The following ANKS1A variants were observed in gnomAD, a reference collection of about 807,000 sequenced individuals.
ANKS1A encodes the protein ankyrin repeat and SAM domain-containing protein 1A.
Under a neutral mutation model 120.3 loss-of-function variants are expected in ANKS1A, and 55 were observed. That is an observed-to-expected ratio of 0.46 (90% CI 0.37 to 0.57). ANKS1A has a LOEUF of 0.57. Ranked by LOEUF, ANKS1A falls within the 20% of genes least tolerant of loss-of-function variation. ANKS1A has a pLI of 0.00. For synonymous variants in ANKS1A, 590 were observed against 604.7 expected (o/e 0.98, Z 0.36); for missense variants, 1,123 against 1,480.3 (o/e 0.76, Z 3.96).
Position 35,017,475 on chromosome 6 carries a change from C to A in ANKS1A, c.1426C>A (p.His476Asn). The A allele has an allele frequency of 6.2e-7, 1 of 1,600,116 alleles. No homozygotes were observed. Among genetic ancestry groups the A allele is most frequent in the Non-Finnish European group, 8.5e-7 (1 of 1,172,510 alleles). The change falls in exon 11 of 24, where the codon CAC (histidine) becomes AAC (asparagine). Residue 476 changes from histidine to asparagine, a missense_variant and splice_region_variant. Around this residue, in one of 3 missense-constraint regions of ANKS1A, gnomAD observed 904 missense variants for 1,130.4 expected, o/e 0.80. Transcript: ENST00000360359. ...VVLVDGKTKD[H>N]RRSSSSRSQD... The stretch of plus-strand genomic sequence containing the variant: ...TCTGTCTCTCCGTCCACTCCAAGAC[C>A]ACAGGCGGAGCAGCAGCAGCCGGAG...
chr6:34,894,974 T>G (rs1343054385), intron 1 of ANKS1A, among the ~76,000 whole-genome samples: 5 of 152,124 alleles, frequency 3.3e-5, no homozygotes, highest in Admixed American at 3.3e-4. Context: ...ATTTTTATGC[T>G]GCCATTTCAT....
intron 13 of ANKS1A, among the ~76,000 whole-genome samples, chr6:35,063,146 TC>T (rs1776603591): frequency 6.6e-6 from 1 of 152,110 alleles, no homozygotes; most frequent in Non-Finnish European, 1.5e-5. Context: ...TGCCAGGTGC[TC>T]CCTAGGATGG....
At chr6:34,912,651 A>G (rs1285039028) in intron 1 of ANKS1A, among the ~76,000 whole-genome samples, 3 of 152,228 alleles carry the variant, frequency 2.0e-5, no homozygotes, top group African/African-American at 4.8e-5. Context: ...TTCAATAGAC[A>G]TTTATTTGCA....
At chr6:34,992,851 G>A (rs1029281538) in intron 9 of ANKS1A, among the ~76,000 whole-genome samples, 1 of 152,172 alleles carries the variant, frequency 6.6e-6, no homozygotes. Flanking sequence ...GCAGTTTCTT[G>A]TTTAGTCTGA....
At chr6:34,923,348 G>T (rs1768536646) in intron 1 of ANKS1A, among the ~76,000 whole-genome samples, 1 of 152,184 alleles carries the variant, frequency 6.6e-6, no homozygotes, top group South Asian at 2.1e-4. Context: ...GGTAGGTTGA[G>T]GGACCTTGAG....
intron 1 of ANKS1A, among the ~76,000 whole-genome samples, chr6:34,923,391 G>A (rs1259700835): frequency 2.6e-5 from 4 of 152,182 alleles, no homozygotes; most frequent in South Asian, 2.1e-4. Context: ...TTGGGAACCC[G>A]GTTCTGACCA....
chr6:34,972,869 GT>G (rs1244562854), intron 3 of ANKS1A, among the ~76,000 whole-genome samples: 1 of 152,104 alleles, frequency 6.6e-6, no homozygotes, highest in East Asian at 1.9e-4. Context: ...ATGGTGGGTG[GT>G]TTTTTCTGGA....
At chr6:34,897,835 A>T (rs1022140006) in intron 1 of ANKS1A, among the ~76,000 whole-genome samples, 2 of 152,176 alleles carry the variant, frequency 1.3e-5, no homozygotes, top group Admixed American at 6.5e-5. Context: ...AGATAGTTGT[A>T]TCTGTTTGTG....
intron 1 of ANKS1A, among the ~76,000 whole-genome samples, chr6:34,900,468 A>AAAAAT (rs1468779515): frequency 1.3e-5 from 2 of 151,996 alleles, no homozygotes; most frequent in African/African-American, 4.8e-5. Context: ...TTTTAATAAC[A>AAAAAT]AAAATAGAGA....
intron 1 of ANKS1A, among the ~76,000 whole-genome samples, chr6:34,903,946 T>C (rs890844340): frequency 2.0e-5 from 3 of 152,212 alleles, no homozygotes; most frequent in Admixed American, 6.6e-5. Context: ...TGCCTTGGCC[T>C]CCCAAGGTGC....
intron 1 of ANKS1A, among the ~76,000 whole-genome samples, chr6:34,926,757 C>T (rs956587204): frequency 6.6e-6 from 1 of 152,100 alleles, no homozygotes; most frequent in Non-Finnish European, 1.5e-5. Flanking sequence ...TGCTGAGCAC[C>T]AGAGCCAGTC....
Position 35,025,140 on chromosome 6 carries a change from A to T in ANKS1A, c.2010+7081A>T, listed in dbSNP as rs144817274. Among the ~76,000 whole-genome samples, 138 of 152,108 alleles carry T rather than the reference A, an allele frequency of 9.1e-4. 1 individual carries two copies. The highest frequency in any genetic ancestry group is 3.3e-3 in the African/African-American group (138 of 41,486). On this transcript the variant is annotated intron_variant, in intron 11 of 23. Coordinates refer to ENST00000360359, the MANE Select transcript of ANKS1A (RefSeq NM_015245.3). ...TTAGGTGGTCTGGTAATATTGAGGT[A>T]ATTTGTTCATATTTTTAAAATAATC...
intron 13 of ANKS1A, among the ~76,000 whole-genome samples, chr6:35,073,459 CA>C (rs1581738151): frequency 6.6e-6 from 1 of 152,206 alleles, no homozygotes; most frequent in South Asian, 2.1e-4. Flanking sequence ...CGAGTCAGGA[CA>C]GGGGGAGGCC....
downstream of ANKS1A, among the ~76,000 whole-genome samples, chr6:35,091,844 A>AAAC: frequency 6.6e-6 from 1 of 152,318 alleles, no homozygotes; most frequent in South Asian, 2.1e-4. Context: ...TTTTAGACAT[A>AAAC]AACAACTAGC....
At chr6:34,903,361 T>TC (rs1195819087) in intron 1 of ANKS1A, among the ~76,000 whole-genome samples, 1 of 152,074 alleles carries the variant, frequency 6.6e-6, no homozygotes. Context: ...TTTTTTTTTT[T>TC]CCAAGAGAGG....
Position 34,937,332 on chromosome 6 carries a change from T to A in ANKS1A, c.198-29907T>A, listed in dbSNP as rs191412357. Reference sequence around the variant, plus strand: ...AAAAATATATATATATATATTTTTTTAAAAAGAATGGCTGGATTCAAATCC... The same window carrying A: ...AAAAATATATATATATATATTTTTTAAAAAAGAATGGCTGGATTCAAATCC... On this transcript the variant is annotated intron_variant, in intron 1 of 23. Coordinates refer to ENST00000360359, the MANE Select transcript of ANKS1A (RefSeq NM_015245.3). Among the ~76,000 whole-genome samples, 1,397 of 151,814 alleles carry A rather than the reference T, an allele frequency of 9.2e-3. 22 individuals carry two copies. The highest frequency in any genetic ancestry group is 0.031 in the African/African-American group (1,304 of 41,462).
chr6:35,084,412 C>A lies in ANKS1A; in HGVS notation c.3132+154C>A, dbSNP rs377551658. 6.6e-6 allele frequency among the ~76,000 whole-genome samples: 1 copy of A among 151,898 alleles called. No homozygotes were observed. The highest frequency in any genetic ancestry group is 2.1e-4 in the South Asian group (1 of 4,820). On this transcript the variant is annotated intron_variant, in intron 21 of 23. Transcript: ENST00000360359. The surrounding 1 kb of genome is among the most constrained non-coding windows in gnomAD (Gnocchi z 4.8). ...GAATGGAGCCCAGCAGCACTCAGGC[C>A]GGTCCCCTTTCACAGTGATGAGACT...
intron 11 of ANKS1A, among the ~76,000 whole-genome samples, chr6:35,021,930 G>A (rs1774362767): frequency 6.6e-6 from 1 of 151,638 alleles, no homozygotes; most frequent in Admixed American, 6.6e-5. Flanking sequence ...AGGTTGCAGT[G>A]AGCGGAGATC....
chr6:34,954,307 G>C lies in ANKS1A; in HGVS notation c.198-12932G>C, dbSNP rs576078452. Among the ~76,000 whole-genome samples the C allele has an allele frequency of 5.3e-5, 8 of 152,266 alleles. No individual in the cohort carries two copies. The South Asian group carries it at 1.7e-3, about 32-fold the overall frequency. ...AATCCTTAGAGCAAATGTACAAGGAGGTTTCAAACAATTCGTCATTGCTCT... is the reference window on the plus strand; with the variant it reads ...AATCCTTAGAGCAAATGTACAAGGACGTTTCAAACAATTCGTCATTGCTCT... On this transcript the variant is annotated intron_variant, in intron 1 of 23. Coordinates refer to ENST00000360359, the MANE Select transcript of ANKS1A (RefSeq NM_015245.3).
Sources: gnomAD v4.1 joint callset for allele counts (sites outside exome capture counted in the v4.1 genomes callset) on GRCh38, gnomAD v4.1.1 for gene constraint, gnomAD v4.1.1 regional missense constraint, Gnocchi (gnomAD v3.1) non-coding constraint, MANE v1.5 for transcripts, NCBI Gene and HGNC (gene_info 2026-07-23, HGNC 2026-07-21) for gene names.